The following EEFSEC variants were observed in gnomAD, a reference collection of about 807,000 sequenced individuals.
EEFSEC encodes selenocysteine-specific elongation factor.
In EEFSEC, 43 loss-of-function variants were observed where a neutral mutation model predicts 42.1. The ratio of observed to expected loss-of-function variants is 1.02; its 90% confidence interval spans 0.80 to 1.32. EEFSEC has a LOEUF of 1.32. Ranked by LOEUF, EEFSEC falls within the 40% of genes most tolerant of loss-of-function variation. The probability of loss-of-function intolerance (pLI) is 0.00; values close to 1 mark genes in which losing one functional copy is unlikely to be tolerated. For synonymous variants in EEFSEC, 354 were observed against 339.1 expected (o/e 1.04, Z -0.48); for missense variants, 745 against 803.6 (o/e 0.93, Z 0.88).
chr3:128,422,049 G>A, the EEFSEC span, among the ~76,000 whole-genome samples: 1 of 152,142 alleles, frequency 6.6e-6, no homozygotes, highest in Non-Finnish European at 1.5e-5. Flanking sequence ...TGCCCAGCAC[G>A]GTGCTGGGCG....
At chr3:128,160,959 G>GT (rs988826573) in intron 1 of EEFSEC, among the ~76,000 whole-genome samples, 3 of 152,138 alleles carry the variant, frequency 2.0e-5, no homozygotes, top group African/African-American at 7.2e-5. Flanking sequence ...TCTGTATGCT[G>GT]TTTTTTTGAT....
Position 128,363,497 on chromosome 3 carries a change from G to T in EEFSEC, c.1600+5124G>T, listed in dbSNP as rs574545944. On this transcript the variant is annotated intron_variant, in intron 6 of 6. Coordinates refer to ENST00000254730, the MANE Select transcript of EEFSEC (RefSeq NM_021937.5). Reference sequence around the variant, plus strand: ...GGTATGCGGGAGAAGGGAAGGGTTGGTCATTCAGCTCAGTGGGCCCTTGGA... The same window carrying T: ...GGTATGCGGGAGAAGGGAAGGGTTGTTCATTCAGCTCAGTGGGCCCTTGGA... 3.3e-3 allele frequency among the ~76,000 whole-genome samples: 502 copies of T among 152,278 alleles called. 8 individuals are homozygous for T. The highest frequency in any genetic ancestry group is 0.012 in the African/African-American group (487 of 41,566).
intron 6 of EEFSEC, among the ~76,000 whole-genome samples, chr3:128,405,131 T>C (rs145709681): frequency 9.9e-4 from 150 of 152,018 alleles, no homozygotes; most frequent in African/African-American, 3.5e-3. Flanking sequence ...ATTCTCCTAC[T>C]TCAGCCTCTC....
chr3:128,305,165 C>A (rs958748634), intron 4 of EEFSEC, among the ~76,000 whole-genome samples: 1 of 151,938 alleles, frequency 6.6e-6, no homozygotes, highest in Non-Finnish European at 1.5e-5. Flanking sequence ...ATCTTCATGG[C>A]GTATTTTGGA....
intron 6 of EEFSEC, among the ~76,000 whole-genome samples, chr3:128,387,753 A>G (rs938841766): frequency 6.6e-6 from 1 of 151,990 alleles, no homozygotes; most frequent in Non-Finnish European, 1.5e-5. Context: ...GGGGAAAGGA[A>G]TGTGCACCTA....
chr3:128,382,519 G>A (rs1319625573), intron 6 of EEFSEC, among the ~76,000 whole-genome samples: 4 of 152,300 alleles, frequency 2.6e-5, no homozygotes, highest in Non-Finnish European at 5.9e-5. Flanking sequence ...TGAGTGAGAG[G>A]CCAGCTTCCT....
intron 1 of EEFSEC, among the ~76,000 whole-genome samples, chr3:128,201,830 A>C (rs2065646748): frequency 1.3e-5 from 2 of 152,218 alleles, no homozygotes; most frequent in African/African-American, 4.8e-5. Flanking sequence ...GCTTAATGAC[A>C]TTAGCGTTTG....
chr3:128,279,723 C>G (rs533038473), intron 4 of EEFSEC, among the ~76,000 whole-genome samples: 2 of 152,342 alleles, frequency 1.3e-5, no homozygotes, highest in South Asian at 4.1e-4. Context: ...CCCTGTCCCC[C>G]TGCTCCCAGG....
intron 1 of EEFSEC, among the ~76,000 whole-genome samples, chr3:128,220,118 G>A (rs562532222): frequency 2.0e-5 from 3 of 152,168 alleles, no homozygotes; most frequent in Admixed American, 2.0e-4. Flanking sequence ...TGGAGATGAG[G>A]GAACTGAAGG....
chr3:128,319,169 A>G (rs948831714), intron 4 of EEFSEC, among the ~76,000 whole-genome samples: 2 of 151,536 alleles, frequency 1.3e-5, no homozygotes, highest in Non-Finnish European at 2.9e-5. Context: ...TGAGGTCCTG[A>G]CCCCCCTCCA....
At chr3:128,175,793 C>T (rs1462475550) in intron 1 of EEFSEC, among the ~76,000 whole-genome samples, 2 of 152,188 alleles carry the variant, frequency 1.3e-5, no homozygotes, top group East Asian at 1.9e-4. Flanking sequence ...ATTAGGCCTG[C>T]AGGTAGGCCT....
At chr3:128,259,874 C>G (rs2066280334) in intron 2 of EEFSEC, among the ~76,000 whole-genome samples, 1 of 152,056 alleles carries the variant, frequency 6.6e-6, no homozygotes, top group Non-Finnish European at 1.5e-5. Flanking sequence ...GAATAATATT[C>G]TGTTGTGTAT....
chr3:128,182,894 GGTGGT>G (rs1559858262), intron 1 of EEFSEC, among the ~76,000 whole-genome samples: 5 of 140,802 alleles, frequency 3.6e-5, no homozygotes, highest in Non-Finnish European at 3.1e-5. Flanking sequence ...GGGGGGGTGG[GGTGGT>G]TGGTCTAGTA....
At chr3:128,412,362 G>A (rs976093031), downstream of EEFSEC, among the ~76,000 whole-genome samples, 2 of 152,250 alleles carry the variant, frequency 1.3e-5, no homozygotes, top group Non-Finnish European at 2.9e-5. Context: ...GCCTCCATGT[G>A]GGGGTTAGCA....
At chr3:128,272,048 CAGAT>C (rs1490826853) in intron 4 of EEFSEC, among the ~76,000 whole-genome samples, 1 of 152,162 alleles carries the variant, frequency 6.6e-6, no homozygotes, top group Non-Finnish European at 1.5e-5. Context: ...GGATAGGAAA[CAGAT>C]AGGCTCAGGG....
intron 1 of EEFSEC, among the ~76,000 whole-genome samples, chr3:128,218,696 C>T (rs924801857): frequency 1.3e-5 from 2 of 152,186 alleles, no homozygotes; most frequent in Admixed American, 6.5e-5. Context: ...CTCAGCCCTC[C>T]TGGAGCTGAC....
At chr3:128,231,946 G>A (rs929060999) in intron 1 of EEFSEC, among the ~76,000 whole-genome samples, 3 of 152,180 alleles carry the variant, frequency 2.0e-5, no homozygotes, top group East Asian at 3.8e-4. Flanking sequence ...AGGCGTCGCT[G>A]ATGGTGAAGT....
chr3:128,156,394 C>T (rs1944381748), intron 1 of EEFSEC, among the ~76,000 whole-genome samples: 1 of 152,184 alleles, frequency 6.6e-6, no homozygotes, highest in African/African-American at 2.4e-5. Flanking sequence ...AAGCTGGAGT[C>T]CTTTGCATGC....
At chr3:128,223,439 A>G (rs1490031079) in intron 1 of EEFSEC, among the ~76,000 whole-genome samples, 1 of 152,210 alleles carries the variant, frequency 6.6e-6, no homozygotes, top group Non-Finnish European at 1.5e-5. Context: ...GGGACCCCTG[A>G]ACTGGTAGCT....
Sources: allele counts gnomAD v4.1 joint callset (sites outside exome capture counted in the v4.1 genomes callset), GRCh38; gene constraint gnomAD v4.1.1; transcripts MANE v1.5; gene names NCBI Gene and HGNC (gene_info 2026-07-23, HGNC 2026-07-21).